MEIS2: variants seen among roughly 807,000 people sequenced by gnomAD.
MEIS2 encodes the protein homeobox protein Meis2.
Under a neutral mutation model 58.6 loss-of-function variants are expected in MEIS2, and 9 were observed. The ratio of observed to expected loss-of-function variants is 0.15; its 90% confidence interval spans 0.09 to 0.27. The LOEUF is 0.27. Among genes scored for constraint, MEIS2 ranks in the 10% least tolerant of loss-of-function variants. MEIS2 has a pLI of 1.00. For synonymous variants in MEIS2, 221 were observed against 228.4 expected (o/e 0.97, Z 0.29); for missense variants, 427 against 635.0 (o/e 0.67, Z 3.52).
chr15:37,080,597 C>T (rs544902314), intron 7 of MEIS2, among the ~76,000 whole-genome samples: 1 of 152,234 alleles, frequency 6.6e-6, no homozygotes, highest in East Asian at 1.9e-4. Flanking sequence ...GATCTCTAGA[C>T]TTATTATCAA....
chr15:37,046,710 C>A (rs1037100678), intron 7 of MEIS2, among the ~76,000 whole-genome samples: 1 of 152,100 alleles, frequency 6.6e-6, no homozygotes, highest in Non-Finnish European at 1.5e-5. Context: ...TCAATTTACC[C>A]GTTAGGAACC....
At chr15:37,011,847 T>C (rs189615209) in intron 8 of MEIS2, among the ~76,000 whole-genome samples, 58 of 152,180 alleles carry the variant, frequency 3.8e-4, no homozygotes, top group Non-Finnish European at 7.2e-4. Flanking sequence ...CTGGAACTCC[T>C]GACCTCGTGA....
intron 9 of MEIS2, among the ~76,000 whole-genome samples, chr15:36,941,947 G>A (rs1341611307): frequency 1.3e-5 from 2 of 152,148 alleles, no homozygotes; most frequent in Admixed American, 6.6e-5. Context: ...TTATCTAAAG[G>A]CTTTAAGGAA....
In MEIS2 at chr15:36,895,361, A is replaced by G. The variant is rs1436180497; in HGVS notation, c.1037-100T>C. On this transcript the variant is annotated intron_variant, in intron 10 of 11. Transcript: ENST00000561208. The stretch of plus-strand genomic sequence containing the variant: ...GCAGCACTGAAACGTTATAGCAACA[A>G]TGTGGTTGGCACTCTACAAATGGGG... 5 of 1,002,530 alleles carry G rather than the reference A, an allele frequency of 5.0e-6. No individual in the cohort carries two copies. In the Admixed American group the frequency reaches 1.0e-4, roughly 20 times the overall value. The allele number at this position is 1,002,530 out of a possible 1,614,324, so 62.1% of individuals were successfully genotyped here.
chr15:36,987,379 G>A (rs897983616), intron 8 of MEIS2, among the ~76,000 whole-genome samples: 1 of 142,778 alleles, frequency 7.0e-6, no homozygotes, highest in Non-Finnish European at 1.5e-5. Flanking sequence ...CTGCACTCCA[G>A]TGTGGGCAAC....
At chr15:36,923,294 T>C (rs2057597184) in intron 9 of MEIS2, among the ~76,000 whole-genome samples, 3 of 152,214 alleles carry the variant, frequency 2.0e-5, no homozygotes, top group South Asian at 4.1e-4. Flanking sequence ...TCCCTTATTC[T>C]TTCTGATGAT....
chr15:37,008,715 G>A (rs1019567579), intron 8 of MEIS2, among the ~76,000 whole-genome samples: 2 of 152,130 alleles, frequency 1.3e-5, no homozygotes, highest in African/African-American at 4.8e-5. Flanking sequence ...AGCTTATTTG[G>A]AGCAGGCATT....
intron 9 of MEIS2, among the ~76,000 whole-genome samples, chr15:36,940,734 T>C (rs1291020202): frequency 1.3e-5 from 2 of 152,330 alleles, no homozygotes; most frequent in Admixed American, 1.3e-4. Context: ...AAATCATACC[T>C]GAAGCTTATT....
chr15:36,999,317 T>C (rs969774661), intron 8 of MEIS2, among the ~76,000 whole-genome samples: 6 of 152,184 alleles, frequency 3.9e-5, no homozygotes, highest in Non-Finnish European at 7.3e-5. Flanking sequence ...CACGACAACC[T>C]TGTCAGAGGT....
chr15:36,955,140 T>G (rs944575508), intron 8 of MEIS2, among the ~76,000 whole-genome samples: 8 of 152,310 alleles, frequency 5.3e-5, no homozygotes, highest in African/African-American at 1.9e-4. Context: ...CTTTTTCTTT[T>G]TTTAATACCT....
At chr15:37,085,795 G>C (rs1231461741) in intron 6 of MEIS2, among the ~76,000 whole-genome samples, 2 of 152,106 alleles carry the variant, frequency 1.3e-5, no homozygotes, top group African/African-American at 4.8e-5. Context: ...TCATGCCTGT[G>C]AGCTCTCTTT....
At chr15:36,901,793 T>C (rs1320456084) in intron 9 of MEIS2, among the ~76,000 whole-genome samples, 1 of 152,206 alleles carries the variant, frequency 6.6e-6, no homozygotes, top group East Asian at 1.9e-4. Context: ...GACAAAATTA[T>C]CAAGTAAGTG....
chr15:36,917,425 A>G (rs1188720595), intron 9 of MEIS2, among the ~76,000 whole-genome samples: 1 of 152,026 alleles, frequency 6.6e-6, no homozygotes, highest in East Asian at 1.9e-4. Context: ...CCAGCTGGTG[A>G]GGAAAAAAAT....
chr15:37,064,617 G>A (rs933411659), intron 7 of MEIS2, among the ~76,000 whole-genome samples: 3 of 152,114 alleles, frequency 2.0e-5, no homozygotes, highest in African/African-American at 7.2e-5. Flanking sequence ...TGAATAATTG[G>A]TCAACTTTCA....
At chr15:37,013,885 C>G (rs2061253844) in intron 8 of MEIS2, among the ~76,000 whole-genome samples, 1 of 152,080 alleles carries the variant, frequency 6.6e-6, no homozygotes, top group African/African-American at 2.4e-5. Flanking sequence ...AAGCAGGCCA[C>G]CTTACAGTAT....
At chr15:37,007,080 G>A (rs1214701095) in intron 8 of MEIS2, among the ~76,000 whole-genome samples, 1 of 152,166 alleles carries the variant, frequency 6.6e-6, no homozygotes, top group Non-Finnish European at 1.5e-5. Context: ...AGTGTATAAG[G>A]CTGACAGTAA....
At chr15:37,037,539 G>GAA (rs34348481) in intron 7 of MEIS2, among the ~76,000 whole-genome samples, 3 of 146,810 alleles carry the variant, frequency 2.0e-5, no homozygotes, top group African/African-American at 2.5e-5. Context: ...TCATTATCAT[G>GAA]AAAAAAAAAA....
intron 9 of MEIS2, among the ~76,000 whole-genome samples, chr15:36,947,916 C>G (rs1202746402): frequency 6.6e-6 from 1 of 151,950 alleles, no homozygotes; most frequent in Non-Finnish European, 1.5e-5. Flanking sequence ...AGGCATTGGG[C>G]AAGTTCAAAA....
intron 9 of MEIS2, among the ~76,000 whole-genome samples, chr15:36,932,674 G>T (rs774527009): frequency 1.8e-4 from 27 of 152,028 alleles, no homozygotes; most frequent in Non-Finnish European, 3.8e-4. Flanking sequence ...GTGTGTGCAC[G>T]TGTGTGTCTG....
Sources: allele counts gnomAD v4.1 joint callset (sites outside exome capture counted in the v4.1 genomes callset), GRCh38; gene constraint gnomAD v4.1.1; transcripts MANE v1.5; gene names NCBI Gene and HGNC (gene_info 2026-07-23, HGNC 2026-07-21).